Variants in GALNT8 observed in about 807,000 individuals in gnomAD.
GALNT8 encodes the protein polypeptide N-acetylgalactosaminyltransferase 8.
A neutral mutation model predicts 62.7 loss-of-function variants in GALNT8; 66 were observed. The observed-to-expected ratio is 1.05, with a 90% CI of 0.86 to 1.29. The LOEUF is 1.29. Ranked by LOEUF, GALNT8 falls within the 50% of genes most tolerant of loss-of-function variation. The pLI, the probability that GALNT8 is intolerant of heterozygous loss-of-function variation, is 0.00. For synonymous variants in GALNT8, 288 were observed against 294.3 expected (o/e 0.98, Z 0.22); for missense variants, 771 against 791.8 (o/e 0.97, Z 0.32).
At chr12:4,753,308 T>C (rs1381017665) in intron 6 of GALNT8, among the ~76,000 whole-genome samples, 1 of 152,176 alleles carries the variant, frequency 6.6e-6, no homozygotes, top group Admixed American at 6.5e-5. Context: ...CTTACATTTT[T>C]CCTTTTGAGG....
chr12:4,765,143 A>G (rs915442425), intron 9 of GALNT8, among the ~76,000 whole-genome samples: 7 of 152,002 alleles, frequency 4.6e-5, no homozygotes, highest in Non-Finnish European at 8.8e-5. Flanking sequence ...CATGTAAGCT[A>G]TGATTCTGTT....
chr12:4,745,341 G>C, intron 4 of GALNT8, 88 bp from the exon 5 acceptor site: 2 of 827,034 alleles, frequency 2.4e-6, no homozygotes, highest in Non-Finnish European at 4.2e-6. Context: ...CTCAATGTCA[G>C]GGCAAGGTGC....
At chr12:4,772,018 G>A (rs541735283) in intron 10 of GALNT8, among the ~76,000 whole-genome samples, 19 of 152,294 alleles carry the variant, frequency 1.2e-4, no homozygotes, top group African/African-American at 4.3e-4. Context: ...TCCTGCTCCA[G>A]GCCCACAACA....
Position 4,739,171 on chromosome 12 carries a change from G to T in GALNT8, c.518G>T (p.Arg173Leu), listed in dbSNP as rs143866477. Reference protein sequence around the residue: ...IPDTRDYRCLRKTYPSQLPSL... With the variant: ...IPDTRDYRCLLKTYPSQLPSL... ...AAAATGGTCTCTTATAGATGTCTTC[G>T]GAAGACATATCCTTCCCAACTCCCA... Residue 173 changes from arginine (R) to leucine (L), a missense_variant, in exon 3 of 11, where the codon CGG becomes CTG. Arg to Leu is a moderately radical substitution (Grantham distance 102, BLOSUM62 -2). Transcript: ENST00000252318. 1.1e-4 allele frequency: 170 copies of T among 1,604,660 alleles called. No individual in the cohort carries two copies. The highest frequency in any genetic ancestry group is 8.3e-4 in the Middle Eastern group (5 of 6,002).
chr12:4,761,176 A>T, intron 7 of GALNT8, 33 bp downstream of exon 7: 4 of 1,583,552 alleles, frequency 2.5e-6, no homozygotes, highest in Non-Finnish European at 3.5e-6. Flanking sequence ...AGCACGGAAG[A>T]ATGAAAGAGG....
chr12:4,760,496 G>T (rs1410110678), intron 6 of GALNT8, among the ~76,000 whole-genome samples: 1 of 152,192 alleles, frequency 6.6e-6, no homozygotes, highest in Admixed American at 6.5e-5. Flanking sequence ...CCACACTCAA[G>T]GGGAGGGGAT....
rs538711911 is a variant in GALNT8 at position 4,720,408 on chromosome 12, C to CCTGAGCAACCTGTGGAAAGCCG, written c.-241_-220dup. The CCTGAGCAACCTGTGGAAAGCCG allele has an allele frequency of 6.0e-3, 2,822 of 471,760 alleles. 83 individuals are homozygous for CCTGAGCAACCTGTGGAAAGCCG. The highest frequency in any genetic ancestry group is 0.05 in the African/African-American group (2,554 of 50,782). The allele number at this position is 471,760 out of a possible 1,614,324, so 29.2% of individuals were successfully genotyped here. A position where few individuals can be genotyped will look rare whatever the true frequency, so the allele number is the denominator to read the frequency against. On this transcript the variant is annotated 5_prime_UTR_variant, in exon 1 of 11. Transcript: ENST00000252318. ...CTCTGCTTCAAGGGAGTGTTATCTC[C>CCTGAGCAACCTGTGGAAAGCCG]CTGAGCAACCTGTGGAAAGCCGCTG... is the stretch of plus-strand genomic sequence containing the variant.
intron 10 of GALNT8, among the ~76,000 whole-genome samples, chr12:4,771,249 GCA>G (rs1194978541): frequency 2.0e-5 from 3 of 152,212 alleles, no homozygotes; most frequent in Non-Finnish European, 4.4e-5. Context: ...TGCTCAGTTG[GCA>G]GACCCTGTCC....
chr12:4,756,231 T>C (rs1263052088), intron 6 of GALNT8, among the ~76,000 whole-genome samples: 2 of 152,170 alleles, frequency 1.3e-5, no homozygotes, highest in Non-Finnish European at 2.9e-5. Flanking sequence ...TGATTGTTCT[T>C]GGTAGTTCAT....
chr12:4,764,575 G>A (rs554309465), intron 9 of GALNT8, among the ~76,000 whole-genome samples: 2 of 131,014 alleles, frequency 1.5e-5, no homozygotes, highest in African/African-American at 5.9e-5. Flanking sequence ...ACAGAGTCTC[G>A]ATCTGTCGCC....
At chr12:4,766,761 C>T (rs144317499) in intron 10 of GALNT8, among the ~76,000 whole-genome samples, 20 of 152,088 alleles carry the variant, frequency 1.3e-4, no homozygotes, top group East Asian at 1.2e-3. Flanking sequence ...TCTCTGAATG[C>T]GGTACTATGC....
intron 6 of GALNT8, among the ~76,000 whole-genome samples, chr12:4,760,528 G>T (rs1181198202): frequency 1.3e-5 from 2 of 152,202 alleles, no homozygotes; most frequent in Admixed American, 1.3e-4. Context: ...GTAGACACCA[G>T]GAGGAGGGAT....
At chr12:4,742,522 G>T (rs1319602769) in intron 3 of GALNT8, among the ~76,000 whole-genome samples, 1 of 152,216 alleles carries the variant, frequency 6.6e-6, no homozygotes, top group Non-Finnish European at 1.5e-5. Flanking sequence ...AATGAGGCAA[G>T]ACACATCTGT....
At chr12:4,771,604 A>C (rs1285028836) in intron 10 of GALNT8, among the ~76,000 whole-genome samples, 3 of 152,148 alleles carry the variant, frequency 2.0e-5, no homozygotes, top group African/African-American at 4.8e-5. Context: ...GTTTTTCACT[A>C]GCCATCAGAA....
chr12:4,720,867 GA>G lies in GALNT8; in HGVS notation c.191del (p.Glu64GlyfsTer7). The G allele has an allele frequency of 6.2e-7, 1 of 1,601,228 alleles. No individual in the cohort carries two copies. Among genetic ancestry groups the G allele is most frequent in the Non-Finnish European group, 8.6e-7 (1 of 1,168,400 alleles). ...AGTGATAAAGAGACTCTCCCACTTG[GA>G]GGTGGAATTGCAGGATCTGAGTAAG... The part of the protein sequence containing the change: ...GAVIKRLSHL[E>X]VELQDLKESM... On this transcript the variant is annotated frameshift_variant, in exon 1 of 11. Transcript: ENST00000252318. LOFTEE classifies it high-confidence loss of function.
intron 2 of GALNT8, among the ~76,000 whole-genome samples, chr12:4,729,475 T>C (rs1946211549): frequency 6.6e-6 from 1 of 152,110 alleles, no homozygotes; most frequent in African/African-American, 2.4e-5. Context: ...TTCATTCTAC[T>C]CTCTTTCTGT....
At chr12:4,763,862 G>C in intron 8 of GALNT8, 90 bp from the exon 9 acceptor site, 1 of 758,724 alleles carries the variant, frequency 1.3e-6, no homozygotes, top group South Asian at 1.4e-5. Context: ...GGTGTCCTCG[G>C]TGTGTTGGGG....
intron 2 of GALNT8, among the ~76,000 whole-genome samples, chr12:4,730,092 C>T (rs1177832015): frequency 6.6e-6 from 1 of 151,904 alleles, no homozygotes; most frequent in Non-Finnish European, 1.5e-5. Context: ...TGTTTCTGTT[C>T]CTTATATATT....
At chr12:4,762,007 C>CA (rs1946375568) in intron 7 of GALNT8, among the ~76,000 whole-genome samples, 1 of 152,182 alleles carries the variant, frequency 6.6e-6, no homozygotes, top group Non-Finnish European at 1.5e-5. Context: ...ACACTGGGAT[C>CA]ACTAGGTCTG....
Sources: allele counts gnomAD v4.1 joint callset (sites outside exome capture counted in the v4.1 genomes callset), GRCh38; gene constraint gnomAD v4.1.1; transcripts MANE v1.5; gene names NCBI Gene and HGNC (gene_info 2026-07-23, HGNC 2026-07-21).